Variants in CALD1 observed in about 807,000 individuals in gnomAD.
CALD1 encodes caldesmon 1.
A neutral mutation model predicts 99.9 loss-of-function variants in CALD1; 33 were observed. That is an observed-to-expected ratio of 0.33 (90% CI 0.25 to 0.44). CALD1 has a LOEUF of 0.44. CALD1 is among the 20% of genes least tolerant of loss of function. The pLI is 1.00. For missense variants in CALD1, 861 were observed against 962.1 expected, an observed-to-expected ratio of 0.89 and a Z score of 1.39; for synonymous variants, 310 against 325.0, an observed-to-expected ratio of 0.95 and a Z score of 0.50.
intron 7 of CALD1, among the ~76,000 whole-genome samples, chr7:134,945,825 C>A (rs1012912822): frequency 2.6e-5 from 4 of 152,188 alleles, no homozygotes; most frequent in Admixed American, 6.5e-5. Context: ...TTTCCTGGAG[C>A]AGCTCTGTAA....
At chr7:134,922,996 T>C (rs1005246440) in intron 3 of CALD1, among the ~76,000 whole-genome samples, 1 of 152,204 alleles carries the variant, frequency 6.6e-6, no homozygotes, top group African/African-American at 2.4e-5. Flanking sequence ...GCCAATCCTC[T>C]CTACTTTTTC....
At chr7:134,953,313 T>C (rs1807504281) in intron 9 of CALD1, among the ~76,000 whole-genome samples, 1 of 152,102 alleles carries the variant, frequency 6.6e-6, no homozygotes, top group Non-Finnish European at 1.5e-5. Context: ...ACCTCGTCTC[T>C]ACTAAAAATA....
At chr7:134,800,978 A>G (rs1172482087) in intron 1 of CALD1, among the ~76,000 whole-genome samples, 1 of 152,092 alleles carries the variant, frequency 6.6e-6, no homozygotes, top group African/African-American at 2.4e-5. Flanking sequence ...ATTATTTGAA[A>G]TGTATCTAAC....
chr7:134,935,777 T>G lies in CALD1; in HGVS notation c.1386+12T>G. Reference sequence around the variant, plus strand: ...TCAAAAAAGAAGAGGTAAATATGATTGAAAAGTAATGATCGTAAAGCAACA... The same window carrying G: ...TCAAAAAAGAAGAGGTAAATATGATGGAAAAGTAATGATCGTAAAGCAACA... On this transcript the variant is annotated intron_variant, in intron 6 of 14. Coordinates refer to ENST00000361675, the MANE Select transcript of CALD1 (RefSeq NM_033138.4). 1 of 1,570,220 alleles carries G rather than the reference T, an allele frequency of 6.4e-7. No individual in the cohort carries two copies. Among genetic ancestry groups the G allele is most frequent in the Non-Finnish European group, 8.6e-7 (1 of 1,160,598 alleles).
chr7:134,908,733 T>A (rs952563398), intron 3 of CALD1, among the ~76,000 whole-genome samples: 38 of 152,210 alleles, frequency 2.5e-4, no homozygotes, highest in Non-Finnish European at 4.7e-4. Context: ...TACTCTGAAA[T>A]GCATCCTCTA....
At chr7:134,880,121 C>T (rs370074260) in intron 3 of CALD1, among the ~76,000 whole-genome samples, 34 of 152,316 alleles carry the variant, frequency 2.2e-4, no homozygotes, top group East Asian at 1.5e-3. Flanking sequence ...ACTCAACTGA[C>T]GGTTTCCAGC....
chr7:134,742,563 T>C (rs1384926684), upstream of CALD1, among the ~76,000 whole-genome samples: 1 of 152,198 alleles, frequency 6.6e-6, no homozygotes, highest in Non-Finnish European at 1.5e-5. Context: ...CTGGGATCTC[T>C]GGTGTGGTTC....
At chr7:134,754,166 A>T (rs1402933981) in intron 1 of CALD1, among the ~76,000 whole-genome samples, 2 of 152,184 alleles carry the variant, frequency 1.3e-5, no homozygotes, top group Non-Finnish European at 2.9e-5. Flanking sequence ...CAACAGAGTG[A>T]GAGAGAGAAA....
the CALD1 span, among the ~76,000 whole-genome samples, chr7:134,728,274 G>C: frequency 6.6e-6 from 1 of 152,124 alleles, no homozygotes; most frequent in Non-Finnish European, 1.5e-5. Flanking sequence ...AACGATTCAC[G>C]AATCGGTCAG....
At chr7:134,763,157 T>A (rs1337759819) in intron 1 of CALD1, among the ~76,000 whole-genome samples, 1 of 152,210 alleles carries the variant, frequency 6.6e-6, no homozygotes, top group East Asian at 1.9e-4. Context: ...AATAGTCTAC[T>A]TAAATAAAAA....
intron 1 of CALD1, among the ~76,000 whole-genome samples, chr7:134,764,648 T>C (rs1796809884): frequency 6.6e-6 from 1 of 152,158 alleles, no homozygotes; most frequent in South Asian, 2.1e-4. Context: ...AGAATTCAAG[T>C]CAGTAAATGA....
chr7:134,941,065 T>G, intron 6 of CALD1, 27 bp from the exon 7 acceptor site: 1 of 1,567,636 alleles, frequency 6.4e-7, no homozygotes, highest in Non-Finnish European at 8.6e-7. Context: ...CTTGTTCTGT[T>G]TCTTCCTGAT....
chr7:134,913,469 T>G (rs1803972459), intron 3 of CALD1, among the ~76,000 whole-genome samples: 1 of 152,238 alleles, frequency 6.6e-6, no homozygotes, highest in African/African-American at 2.4e-5. Flanking sequence ...ATTCTGTCCT[T>G]TTAAATTTCT....
At chr7:134,728,531 G>A in the CALD1 span, among the ~76,000 whole-genome samples, 6 of 152,198 alleles carry the variant, frequency 3.9e-5, no homozygotes, top group African/African-American at 1.4e-4. Context: ...TATAGTTGAC[G>A]ATATACAGAG....
intron 1 of CALD1, among the ~76,000 whole-genome samples, chr7:134,837,795 G>A (rs1278566181): frequency 6.6e-6 from 1 of 152,134 alleles, no homozygotes; most frequent in Admixed American, 6.5e-5. Flanking sequence ...TACAATGGAA[G>A]AAGAAAAAAA....
At chr7:134,841,341 A>G (rs1038228705) in intron 1 of CALD1, among the ~76,000 whole-genome samples, 1 of 152,220 alleles carries the variant, frequency 6.6e-6, no homozygotes, top group African/African-American at 2.4e-5. Context: ...ATAATGTGTT[A>G]TTATTACTAG....
chr7:134,734,152 T>C, the CALD1 span, among the ~76,000 whole-genome samples: 6 of 152,144 alleles, frequency 3.9e-5, no homozygotes, highest in African/African-American at 1.2e-4. Flanking sequence ...ACAGAGAAAA[T>C]AGACACACTT....
At chr7:134,837,445 C>T (rs528778147) in intron 1 of CALD1, among the ~76,000 whole-genome samples, 2 of 151,958 alleles carry the variant, frequency 1.3e-5, no homozygotes, top group African/African-American at 4.8e-5. Context: ...TGGGTTCATG[C>T]GATTCTCCTG....
intron 3 of CALD1, among the ~76,000 whole-genome samples, chr7:134,879,845 G>A (rs796585624): frequency 1.3e-5 from 2 of 152,284 alleles, no homozygotes; most frequent in African/African-American, 4.8e-5. Flanking sequence ...AGGTTAGAAT[G>A]TGAGGGCTTA....
Sources: gnomAD v4.1 joint callset for allele counts (sites outside exome capture counted in the v4.1 genomes callset) on GRCh38, gnomAD v4.1.1 for gene constraint, MANE v1.5 for transcripts, NCBI Gene and HGNC (gene_info 2026-07-23, HGNC 2026-07-21) for gene names.